RARB: variants seen among roughly 807,000 people sequenced by gnomAD.
RARB encodes HBV-activated protein.
Under a neutral mutation model 51.9 loss-of-function variants are expected in RARB, and 17 were observed. The ratio of observed to expected loss-of-function variants is 0.33; its 90% CI spans 0.22 to 0.49. The LOEUF (loss-of-function observed/expected upper bound fraction) is 0.49. Ranked by LOEUF, RARB falls within the 20% of genes least tolerant of loss-of-function variation. The pLI, the probability that RARB is intolerant of heterozygous loss-of-function variation, is 0.99. For synonymous variants in RARB, 215 were observed against 195.4 expected (o/e 1.10, Z -0.84); for missense variants, 369 against 550.8 (o/e 0.67, Z 3.30).
intron 2 of RARB, among the ~76,000 whole-genome samples, chr3:25,463,112 A>T (rs1206746357): frequency 1.3e-5 from 2 of 152,054 alleles, no homozygotes; most frequent in Admixed American, 1.3e-4. Context: ...GGCTCAAGTG[A>T]TCCTCCCACC....
intron 4 of RARB, among the ~76,000 whole-genome samples, chr3:25,158,730 A>C (rs1700420491): frequency 6.6e-6 from 1 of 152,218 alleles, no homozygotes; most frequent in Non-Finnish European, 1.5e-5. Flanking sequence ...TCAGCAACTA[A>C]ATACAATAAA....
At chr3:25,574,142 C>T (rs1298987164) in intron 4 of RARB, among the ~76,000 whole-genome samples, 2 of 152,198 alleles carry the variant, frequency 1.3e-5, no homozygotes, top group Non-Finnish European at 2.9e-5. Context: ...AGGTAACATC[C>T]TCGCTCTGAG....
rs1413825514 is a variant in RARB, at chr3:25,146,499, G to GTTTTT, written c.-280+14294_-280+14295insTTTTT. Among the ~76,000 whole-genome samples, 149 of 104,388 alleles carry GTTTTT rather than the reference G, an allele frequency of 1.4e-3. 29 individuals are homozygous for GTTTTT. The highest frequency in any genetic ancestry group is 1.8e-3 in the Non-Finnish European group (90 of 50,186). 68.5% of individuals were successfully genotyped at this position (104,388 alleles called of 152,430 possible). A position where few individuals can be genotyped will look rare whatever the true frequency, so the allele number is the denominator to read the frequency against. On this transcript the variant is annotated intron_variant, in intron 4 of 11. Transcript: ENST00000383772. ...CAGGCTATAATTTGCTAAGTTTTTT[G>GTTTTT]TTTGTTTGTTTGTTTTTTTTTTTTT...
chr3:24,925,366 G>C (rs1695296721), intron 2 of RARB, among the ~76,000 whole-genome samples: 1 of 151,996 alleles, frequency 6.6e-6, no homozygotes, highest in East Asian at 1.9e-4. Context: ...TCTCAGGCCT[G>C]GCATGGTGGC....
rs141610744 is a variant in RARB, at chr3:25,223,066, A to G, written c.178+48491A>G. Among the ~76,000 whole-genome samples the G allele has an allele frequency of 2.8e-4, 43 of 152,290 alleles. No homozygotes were observed. The East Asian group carries it at 4.2e-3, about 15-fold the overall frequency. On this transcript the variant is annotated intron_variant, in intron 5 of 11. Coordinates refer to the RARB transcript ENST00000383772. ...CAGGCAGTAAACTTTACCCTGTGTG[A>G]ATAAATTTTGATAAATCTAGATAAC...
intron 1 of RARB, among the ~76,000 whole-genome samples, chr3:25,454,540 A>C (rs1389517501): frequency 6.6e-6 from 1 of 152,172 alleles, no homozygotes; most frequent in African/African-American, 2.4e-5. Flanking sequence ...GAGTGCATTA[A>C]AATACTGTCT....
chr3:25,374,757 G>A (rs984532210), intron 5 of RARB, among the ~76,000 whole-genome samples: 2 of 152,166 alleles, frequency 1.3e-5, no homozygotes, highest in Non-Finnish European at 2.9e-5. Context: ...TCTGACATGA[G>A]TGGATTCAAC....
intron 5 of RARB, among the ~76,000 whole-genome samples, chr3:25,176,079 G>T (rs1007030208): frequency 1.3e-5 from 2 of 151,996 alleles, no homozygotes; most frequent in African/African-American, 2.4e-5. Context: ...TGCTCAACTG[G>T]CCTGACAGCA....
intron 5 of RARB, among the ~76,000 whole-genome samples, chr3:25,591,336 T>C (rs1328189425): frequency 1.3e-5 from 2 of 152,152 alleles, no homozygotes; most frequent in African/African-American, 2.4e-5. Context: ...TCTGCACCCC[T>C]CTACAGCAGG....
chr3:25,109,352 G>GAAGCATGGCCCACAGCATCTTTGGAAC (rs1224513416), intron 3 of RARB, among the ~76,000 whole-genome samples: 1 of 152,050 alleles, frequency 6.6e-6, no homozygotes, highest in African/African-American at 2.4e-5. Context: ...ATAAACACTG[G>GAAGCATGGCCCACAGCATCTTTGGAAC]AAGCATGGCC....
intron 2 of RARB, among the ~76,000 whole-genome samples, chr3:24,932,800 C>A (rs1037339965): frequency 6.6e-6 from 1 of 152,068 alleles, no homozygotes; most frequent in African/African-American, 2.4e-5. Flanking sequence ...CTAATTGTTA[C>A]TTTTGTTGAG....
chr3:25,398,111 T>A (rs1255802336), intron 5 of RARB, among the ~76,000 whole-genome samples: 1 of 152,110 alleles, frequency 6.6e-6, no homozygotes, highest in Non-Finnish European at 1.5e-5. Context: ...AATTTATGTA[T>A]CCAGGCACTA....
intron 2 of RARB, among the ~76,000 whole-genome samples, chr3:24,963,519 A>G (rs1696185873): frequency 6.6e-6 from 1 of 150,854 alleles, no homozygotes; most frequent in Non-Finnish European, 1.5e-5. Context: ...CCGTTACATT[A>G]TGGCTATTAT....
At chr3:25,496,235 C>T (rs920087041) in intron 2 of RARB, among the ~76,000 whole-genome samples, 21 of 152,232 alleles carry the variant, frequency 1.4e-4, no homozygotes, top group African/African-American at 5.1e-4. Context: ...CTGTCCCAGC[C>T]CTGAGCTATT....
At chr3:25,315,806 A>AG (rs1468518193) in intron 5 of RARB, among the ~76,000 whole-genome samples, 2 of 151,650 alleles carry the variant, frequency 1.3e-5, no homozygotes, top group African/African-American at 4.8e-5. Context: ...TTTAGTAGAG[A>AG]GGGGGTTTCA....
At chr3:25,139,672 G>A (rs937663569) in intron 4 of RARB, among the ~76,000 whole-genome samples, 2 of 152,136 alleles carry the variant, frequency 1.3e-5, no homozygotes, top group South Asian at 2.1e-4. Context: ...AGACTAGGTA[G>A]GATAATTGAT....
chr3:25,480,141 T>C (rs1026025144), intron 2 of RARB, among the ~76,000 whole-genome samples: 1 of 152,224 alleles, frequency 6.6e-6, no homozygotes, highest in Non-Finnish European at 1.5e-5. Flanking sequence ...TCACATAGCC[T>C]GGGTTCAAAT....
intron 5 of RARB, among the ~76,000 whole-genome samples, chr3:25,181,446 C>G (rs1436238): frequency 6.6e-6 from 1 of 151,940 alleles, no homozygotes; most frequent in East Asian, 1.9e-4. Context: ...ATGGTTTTTG[C>G]TGGTGAGGGA....
At chr3:24,975,002 T>C (rs1190582431) in intron 2 of RARB, among the ~76,000 whole-genome samples, 1 of 152,170 alleles carries the variant, frequency 6.6e-6, no homozygotes, top group African/African-American at 2.4e-5. Context: ...GACTGGTGAC[T>C]TGAAATGTGG....
Sources: allele counts gnomAD v4.1 joint callset (sites outside exome capture counted in the v4.1 genomes callset), GRCh38; gene constraint gnomAD v4.1.1; transcripts MANE v1.5; gene names NCBI Gene and HGNC (gene_info 2026-07-23, HGNC 2026-07-21).